The following SDCCAG8 variants were observed in gnomAD, a reference collection of about 807,000 sequenced individuals.
SDCCAG8 encodes SHH signaling and ciliogenesis regulator SDCCAG8, also known as serologically defined colon cancer antigen 8.
In SDCCAG8, 74 loss-of-function variants were observed where a neutral mutation model predicts 101.8. The observed-to-expected ratio is 0.73, with a 90% CI of 0.60 to 0.88. The LOEUF (loss-of-function observed/expected upper bound fraction) is 0.88, where lower values mean the gene tolerates loss of function less well. SDCCAG8 is among the 40% of genes least tolerant of loss of function. The pLI, the probability that SDCCAG8 is intolerant of heterozygous loss-of-function variation, is 0.00. For synonymous variants in SDCCAG8, 281 were observed against 292.9 expected (o/e 0.96, Z 0.41); for missense variants, 787 against 822.6 (o/e 0.96, Z 0.53).
At chr1:243,357,437 T>C (rs578045730) in intron 12 of SDCCAG8, among the ~76,000 whole-genome samples, 15 of 151,926 alleles carry the variant, frequency 9.9e-5, no homozygotes, top group Non-Finnish European at 1.8e-4. Context: ...CCTATTTCAA[T>C]GGCCACATAT....
intron 16 of SDCCAG8, among the ~76,000 whole-genome samples, chr1:243,453,941 G>A (rs1343329676): frequency 1.3e-5 from 2 of 152,098 alleles, no homozygotes; most frequent in African/African-American, 4.8e-5. Flanking sequence ...AACAATAATT[G>A]GGATCTTTCT....
intron 9 of SDCCAG8, among the ~76,000 whole-genome samples, chr1:243,324,884 C>T (rs10158537): frequency 2.6e-5 from 4 of 152,002 alleles, no homozygotes; most frequent in Admixed American, 6.5e-5. Flanking sequence ...CAGAACATGA[C>T]CTGCAGTTGG....
chr1:243,378,044 ACCTT>A (rs2077704276), intron 12 of SDCCAG8, among the ~76,000 whole-genome samples: 1 of 151,724 alleles, frequency 6.6e-6, no homozygotes, highest in Admixed American at 6.6e-5. Context: ...CAAAAAATAA[ACCTT>A]CATAAATTTT....
rs533508879 is a variant in SDCCAG8 at position 243,476,151 on chromosome 1, C to T, written c.1986-12863C>T. 70 of 985,450 alleles carry T rather than the reference C, an allele frequency of 7.1e-5. No homozygotes were observed. The African/African-American group carries it at 1.2e-3, about 17-fold the overall frequency. The allele number at this position is 985,450 out of a possible 1,614,324, so 61.0% of individuals were successfully genotyped here. A position where few individuals can be genotyped will look rare whatever the true frequency, so the allele number is the denominator to read the frequency against. ...ATTCCTTTGGCTGCAGATTTTATTT[C>T]TGAGTCACTCTGTTCAGCTCAATTG... On this transcript the variant is annotated intron_variant, in intron 16 of 17. Coordinates refer to ENST00000366541, the MANE Select transcript of SDCCAG8 (RefSeq NM_006642.5).
rs571092022 is a variant in SDCCAG8 at position 243,496,283 on chromosome 1, G to C, written c.2113-3473G>C. The stretch of plus-strand genomic sequence containing the variant: ...CCCGAGCGGGTGCGGGCGGAGCCGG[G>C]CCTGGCTGGAACAGCTGCCGAGCCC... On this transcript the variant is annotated intron_variant, in intron 17 of 17. Coordinates refer to ENST00000366541, the MANE Select transcript of SDCCAG8 (RefSeq NM_006642.5). Among the ~76,000 whole-genome samples, 647 of 152,334 alleles carry C rather than the reference G, an allele frequency of 4.2e-3. 5 individuals are homozygous for C. The highest frequency in any genetic ancestry group is 0.015 in the African/African-American group (622 of 41,572).
chr1:243,492,345 G>A (rs1275408946), intron 17 of SDCCAG8, among the ~76,000 whole-genome samples: 3 of 107,798 alleles, frequency 2.8e-5, no homozygotes, highest in African/African-American at 3.6e-5. Flanking sequence ...TCCGTCACCC[G>A]GACTGGAGTA....
At position 243,477,031 on chromosome 1, in the gene SDCCAG8, CACAG is replaced by C. The variant is rs1469462826; in HGVS notation, c.1986-11981_1986-11978del. Among the ~76,000 whole-genome samples the C allele has an allele frequency of 3.4e-3, 496 of 145,894 alleles. 3 individuals are homozygous for C. The highest frequency in any genetic ancestry group is 8.1e-3 in the African/African-American group (303 of 37,536). On this transcript the variant is annotated intron_variant, in intron 16 of 17. Transcript: ENST00000366541. ...ACACACACACACACACACACACACA[CACAG>C]AGAGAAAGGCAGGAGAGCGTAATCA... is the stretch of plus-strand genomic sequence containing the variant.
intron 10 of SDCCAG8, 83 bp downstream of exon 10, chr1:243,330,775 T>C: frequency 7.4e-7 from 1 of 1,353,174 alleles, no homozygotes; most frequent in East Asian, 2.3e-5. Flanking sequence ...GCTGGAGTTC[T>C]TGAATGAACT....
chr1:243,384,637 G>A (rs893468532), intron 13 of SDCCAG8, among the ~76,000 whole-genome samples: 7 of 150,368 alleles, frequency 4.7e-5, no homozygotes, highest in African/African-American at 7.4e-5. Context: ...CTAGAGTTCC[G>A]CATAATTAAA....
chr1:243,427,688 G>C (rs6429425), intron 16 of SDCCAG8, among the ~76,000 whole-genome samples: 18 of 152,060 alleles, frequency 1.2e-4, no homozygotes, highest in Non-Finnish European at 2.1e-4. Flanking sequence ...AGCCTGGGGT[G>C]GGGGGGAGGT....
intron 12 of SDCCAG8, among the ~76,000 whole-genome samples, chr1:243,347,617 T>C (rs993192275): frequency 2.0e-5 from 3 of 152,238 alleles, no homozygotes; most frequent in African/African-American, 7.2e-5. Context: ...GCAAAGTATG[T>C]GAAGGAAATG....
chr1:243,446,195 G>A (rs552221318), intron 16 of SDCCAG8, among the ~76,000 whole-genome samples: 59 of 152,336 alleles, frequency 3.9e-4, no homozygotes, highest in Middle Eastern at 3.4e-3. Flanking sequence ...ACCTGAGTCA[G>A]ACAAGTAAAG....
chr1:243,451,301 A>C, intron 16 of SDCCAG8, among the ~76,000 whole-genome samples: 1 of 152,218 alleles, frequency 6.6e-6, no homozygotes, highest in East Asian at 1.9e-4. Flanking sequence ...AGATATTGTA[A>C]GATGGAAAAC....
At chr1:243,493,092 T>G (rs551158787) in intron 17 of SDCCAG8, among the ~76,000 whole-genome samples, 2 of 152,268 alleles carry the variant, frequency 1.3e-5, no homozygotes, top group African/African-American at 4.8e-5. Flanking sequence ...CCCCACACTC[T>G]GTATTCCGGG....
At chr1:243,270,880 A>G (rs2068026091) in intron 2 of SDCCAG8, 98 bp from the exon 3 acceptor site, 5 of 863,674 alleles carry the variant, frequency 5.8e-6, no homozygotes, top group Non-Finnish European at 1.0e-5. Context: ...CTTGATGCAT[A>G]ATATATCAGC....
rs1441738881 is a variant in SDCCAG8 at position 243,482,176 on chromosome 1, A to G, written c.1986-6838A>G. Among the ~76,000 whole-genome samples, 3 of 152,350 alleles carry G rather than the reference A, an allele frequency of 2.0e-5. No individual in the cohort carries two copies. The South Asian group carries it at 6.2e-4, about 32-fold the overall frequency. ...GCAGCTTGCACCGCTTCTGTTTTGC[A>G]TAAGATATTTTCCCCAGCCCACTCA... On this transcript the variant is annotated intron_variant, in intron 16 of 17. Transcript: ENST00000366541.
At chr1:243,337,327 G>C (rs567020054) in intron 10 of SDCCAG8, among the ~76,000 whole-genome samples, 1 of 152,144 alleles carries the variant, frequency 6.6e-6, no homozygotes, top group Non-Finnish European at 1.5e-5. Context: ...TATGTGTGTG[G>C]CTTTATTTCT....
At chr1:243,392,031 T>G (rs2078734894) in intron 13 of SDCCAG8, among the ~76,000 whole-genome samples, 2 of 152,200 alleles carry the variant, frequency 1.3e-5, no homozygotes, top group South Asian at 4.1e-4. Flanking sequence ...CTATTTCTGA[T>G]TATTTTTTGT....
rs576157555 is a variant in SDCCAG8 at position 243,444,311 on chromosome 1, G to A, written c.1985+17753G>A. Among the ~76,000 whole-genome samples, 8 of 151,332 alleles carry A rather than the reference G, an allele frequency of 5.3e-5. No individual in the cohort carries two copies. The East Asian group carries it at 5.8e-4, about 11-fold the overall frequency. On this transcript the variant is annotated intron_variant, in intron 16 of 17. Coordinates refer to ENST00000366541, the MANE Select transcript of SDCCAG8 (RefSeq NM_006642.5). ...GGAATTCAAGTGTGATTTAGATTAC[G>A]TCATAGGCTTAACTTTATTTTAGTT... is the stretch of plus-strand genomic sequence containing the variant.
Sources: gnomAD v4.1 joint callset for allele counts (sites outside exome capture counted in the v4.1 genomes callset) on GRCh38, gnomAD v4.1.1 for gene constraint, MANE v1.5 for transcripts, NCBI Gene and HGNC (gene_info 2026-07-23, HGNC 2026-07-21) for gene names.